Variants in ARHGAP31 observed in about 807,000 individuals in gnomAD.
ARHGAP31 encodes the protein Rho GTPase activating protein 31.
Under a neutral mutation model 113.9 loss-of-function variants are expected in ARHGAP31, and 34 were observed. The observed-to-expected ratio is 0.30, with a 90% CI of 0.23 to 0.40. The LOEUF is 0.40. ARHGAP31 is among the 10% of genes least tolerant of loss of function. ARHGAP31 has a pLI of 1.00. For missense variants in ARHGAP31, 1,548 were observed against 1,767.1 expected (o/e 0.88, Z 2.22); for synonymous variants, 650 against 684.8 (o/e 0.95, Z 0.79).
chr3:119,413,786 C>T (rs1166134822), intron 11 of ARHGAP31, 70 bp from the exon 12 acceptor site: 41 of 1,608,322 alleles, frequency 2.5e-5, no homozygotes, highest in Non-Finnish European at 3.1e-5. Flanking sequence ...CCTTCCCTCT[C>T]ACTGGAAACG....
At chr3:119,410,032 T>C (rs2080702377) in intron 11 of ARHGAP31, among the ~76,000 whole-genome samples, 2 of 152,136 alleles carry the variant, frequency 1.3e-5, no homozygotes, top group Non-Finnish European at 1.5e-5. Context: ...ATTCCTGACC[T>C]GAGGTCACCA....
At chr3:119,321,279 CTATATATA>C (rs71693848) in intron 1 of ARHGAP31, among the ~76,000 whole-genome samples, 1 of 140,438 alleles carries the variant, frequency 7.1e-6, no homozygotes, top group African/African-American at 2.6e-5. Context: ...TATATATATA[CTATATATA>C]TATATATAGT....
At chr3:119,376,520 G>A (rs1212333910) in intron 3 of ARHGAP31, among the ~76,000 whole-genome samples, 12 of 152,142 alleles carry the variant, frequency 7.9e-5, no homozygotes, top group Admixed American at 7.2e-4. Context: ...CAAGTTCAGT[G>A]TGTCCCCGCT....
At chr3:119,366,823 C>T (rs553486378) in intron 2 of ARHGAP31, among the ~76,000 whole-genome samples, 39 of 151,932 alleles carry the variant, frequency 2.6e-4, no homozygotes, top group African/African-American at 8.7e-4. Flanking sequence ...TAGCATGGGC[C>T]GGGCACAGTG....
chr3:119,324,240 C>T (rs2079820155), intron 1 of ARHGAP31, among the ~76,000 whole-genome samples: 1 of 152,180 alleles, frequency 6.6e-6, no homozygotes, highest in African/African-American at 2.4e-5. Flanking sequence ...ACTTCAAACC[C>T]TCCTAGCCGT....
chr3:119,298,482 C>T (rs1271731043), intron 1 of ARHGAP31, among the ~76,000 whole-genome samples: 2 of 152,106 alleles, frequency 1.3e-5, no homozygotes, highest in Non-Finnish European at 2.9e-5. Flanking sequence ...TCTGGGTCTT[C>T]TATTAGAGCT....
intron 1 of ARHGAP31, among the ~76,000 whole-genome samples, chr3:119,305,509 C>G (rs996453540): frequency 6.6e-6 from 1 of 152,162 alleles, no homozygotes; most frequent in East Asian, 1.9e-4. Context: ...CCTGCCAGCC[C>G]CTCCCCTACA....
At chr3:119,338,745 A>T (rs992387922) in intron 1 of ARHGAP31, among the ~76,000 whole-genome samples, 1 of 152,226 alleles carries the variant, frequency 6.6e-6, no homozygotes, top group Admixed American at 6.5e-5. Flanking sequence ...GAAAATACCA[A>T]TGATTGCTGT....
At chr3:119,300,102 C>T (rs2079567648) in intron 1 of ARHGAP31, among the ~76,000 whole-genome samples, 1 of 152,188 alleles carries the variant, frequency 6.6e-6, no homozygotes, top group South Asian at 2.1e-4. Context: ...GGAATAGAAT[C>T]CCAACTTTGC....
intron 1 of ARHGAP31, among the ~76,000 whole-genome samples, chr3:119,331,519 G>A (rs2079891424): frequency 6.6e-6 from 1 of 152,054 alleles, no homozygotes; most frequent in Non-Finnish European, 1.5e-5. Flanking sequence ...AGGAGTGAGG[G>A]AAGAAGGTGT....
At chr3:119,315,501 T>G (rs2079721614) in intron 1 of ARHGAP31, among the ~76,000 whole-genome samples, 1 of 152,202 alleles carries the variant, frequency 6.6e-6, no homozygotes, top group Admixed American at 6.5e-5. Flanking sequence ...CAAATTCAGG[T>G]TATGATTCTG....
intron 10 of ARHGAP31, among the ~76,000 whole-genome samples, chr3:119,404,648 T>C (rs533336432): frequency 2.5e-4 from 38 of 152,354 alleles, no homozygotes; most frequent in Non-Finnish European, 3.4e-4. Context: ...GTTACCCAAT[T>C]AAACTTTTAG....
At position 119,381,176 on chromosome 3, in the gene ARHGAP31, G is replaced by A. The variant is rs79505114; in HGVS notation, c.431+190G>A. Among the ~76,000 whole-genome samples, 1,508 of 152,256 alleles carry A rather than the reference G, an allele frequency of 9.9e-3. 17 individuals carry two copies. Among genetic ancestry groups the A allele is most frequent in the African/African-American group, 0.033 (1,386 of 41,534 alleles). ...TGGTGTCTGACCAGGGACATTGGCA[G>A]CAAGGAGAAGCCAGTCTCCAAATCA... On this transcript the variant is annotated intron_variant, in intron 4 of 11. Transcript: ENST00000264245.
chr3:119,375,402 T>C (rs1191561845), intron 3 of ARHGAP31, among the ~76,000 whole-genome samples: 1 of 152,152 alleles, frequency 6.6e-6, no homozygotes, highest in Non-Finnish European at 1.5e-5. Flanking sequence ...CCTTTTCTTC[T>C]TCTGTCTGTG....
In ARHGAP31 at chr3:119,415,877, A is replaced by G. The variant is rs1449335812; in HGVS notation, c.3948A>G (p.Pro1316=). ...GAAAGCGCATGTCAGAGACAGAGCC[A>G]TCTGGGGACAACCTTCTTTCTTCAA... is the stretch of plus-strand genomic sequence containing the variant. The part of the protein sequence containing the change: ...QCRKRMSETE[P]SGDNLLSSKL... The change falls in exon 12 of 12, where the codon CCA becomes CCG. Residue 1316 remains proline (P), a synonymous_variant. Coordinates refer to ENST00000264245, the MANE Select transcript of ARHGAP31 (RefSeq NM_020754.4). 3.1e-6 allele frequency: 5 copies of G among 1,614,200 alleles called. No individual in the cohort carries two copies. Among genetic ancestry groups the G allele is most frequent in the South Asian group, 1.1e-5 (1 of 91,080 alleles).
intron 1 of ARHGAP31, among the ~76,000 whole-genome samples, chr3:119,323,264 G>A (rs1041642278): frequency 2.0e-5 from 3 of 152,100 alleles, no homozygotes; most frequent in African/African-American, 2.4e-5. Flanking sequence ...GCCCAGAAGC[G>A]GGGAAAGCCC....
intron 1 of ARHGAP31, among the ~76,000 whole-genome samples, chr3:119,364,042 G>T (rs1224294072): frequency 1.3e-5 from 2 of 152,152 alleles, no homozygotes; most frequent in African/African-American, 4.8e-5. Flanking sequence ...CAGAAGGCCT[G>T]TATCTGCCCC....
At chr3:119,382,462 T>C (rs2080410127) in intron 5 of ARHGAP31, 63 bp downstream of exon 5, 3 of 1,484,454 alleles carry the variant, frequency 2.0e-6, no homozygotes, top group Non-Finnish European at 2.8e-6. Context: ...CCGATTGAAA[T>C]GAAGATTGGA....
chr3:119,363,771 T>G (rs573658157), intron 1 of ARHGAP31, among the ~76,000 whole-genome samples: 2 of 152,206 alleles, frequency 1.3e-5, no homozygotes, highest in Non-Finnish European at 2.9e-5. Flanking sequence ...TTAGCATTGA[T>G]GTAATCTACA....
Sources: gnomAD v4.1 joint callset for allele counts (sites outside exome capture counted in the v4.1 genomes callset) on GRCh38, gnomAD v4.1.1 for gene constraint, MANE v1.5 for transcripts, NCBI Gene and HGNC (gene_info 2026-07-23, HGNC 2026-07-21) for gene names.